ROBO2: variants seen among roughly 807,000 people sequenced by gnomAD.
ROBO2 encodes roundabout guidance receptor 2, also known as roundabout homolog 2.
A neutral mutation model predicts 160.8 loss-of-function variants in ROBO2; 53 were observed. The observed-to-expected ratio is 0.33, with a 90% CI of 0.26 to 0.41. ROBO2 has a LOEUF of 0.41. Ranked by LOEUF, ROBO2 falls within the 10% of genes least tolerant of loss-of-function variation. The pLI, the probability that ROBO2 is intolerant of heterozygous loss-of-function variation, is 1.00. For missense variants in ROBO2, 1,577 were observed against 1,722.4 expected (o/e 0.92, Z 1.49); for synonymous variants, 664 against 611.7 (o/e 1.09, Z -1.26).
At chr3:76,856,642 C>T (rs2070114164) in intron 2 of ROBO2, among the ~76,000 whole-genome samples, 1 of 152,180 alleles carries the variant, frequency 6.6e-6, no homozygotes, top group Non-Finnish European at 1.5e-5. Flanking sequence ...AACTTCATTC[C>T]ATGTACCTGG....
At chr3:77,294,916 A>T (rs1236370256) in intron 2 of ROBO2, among the ~76,000 whole-genome samples, 1 of 151,880 alleles carries the variant, frequency 6.6e-6, no homozygotes, top group Non-Finnish European at 1.5e-5. Flanking sequence ...AGGCTAGATC[A>T]CCCCAGACAT....
chr3:76,530,076 G>A (rs774217), intron 2 of ROBO2, among the ~76,000 whole-genome samples: 82,688 of 151,850 alleles, frequency 0.54, 22,704 homozygotes, highest in Admixed American at 0.59. Context: ...GGCCACAGAT[G>A]AACTGGAAAC....
At chr3:77,644,839 C>A in exon 25 of ROBO2, 1 of 1,614,096 alleles carries the variant, frequency 6.2e-7, no homozygotes, top group Non-Finnish European at 8.5e-7. Flanking sequence ...CAGCGCAATG[C>A]CAGCGACCTT....
chr3:75,991,893 T>G (rs1261183014), intron 2 of ROBO2, among the ~76,000 whole-genome samples: 1 of 152,156 alleles, frequency 6.6e-6, no homozygotes, highest in East Asian at 1.9e-4. Flanking sequence ...TTGTTATGCT[T>G]TAGCAAAGAG....
intron 2 of ROBO2, among the ~76,000 whole-genome samples, chr3:76,569,135 T>C (rs1034489652): frequency 3.9e-5 from 6 of 152,148 alleles, no homozygotes; most frequent in African/African-American, 1.4e-4. Flanking sequence ...TTTTCTAACA[T>C]CATAAGTTAA....
Position 76,403,806 on chromosome 3 carries a change from A to T in ROBO2, c.109+466204A>T, listed in dbSNP as rs2077983899. 5.3e-5 allele frequency among the ~76,000 whole-genome samples: 8 copies of T among 151,634 alleles called. No homozygotes were observed. In the South Asian group the frequency reaches 1.7e-3, roughly 31 times the overall value. On this transcript the variant is annotated intron_variant, in intron 2 of 26. Transcript: ENST00000487694. ...ATCCAAAATGCTTATTTTAGGTATTAAGTAATGTCAACATTTTGCTCTGAG... is the reference window on the plus strand; with the variant it reads ...ATCCAAAATGCTTATTTTAGGTATTTAGTAATGTCAACATTTTGCTCTGAG...
chr3:76,481,368 T>C (rs779835719), intron 2 of ROBO2, among the ~76,000 whole-genome samples: 2 of 152,118 alleles, frequency 1.3e-5, no homozygotes, highest in Non-Finnish European at 2.9e-5. Flanking sequence ...TCCAGGGATA[T>C]AGAAGCCAGA....
chr3:75,971,183 C>T (rs917527742), intron 2 of ROBO2, among the ~76,000 whole-genome samples: 3 of 151,340 alleles, frequency 2.0e-5, no homozygotes, highest in Admixed American at 6.6e-5. Context: ...AGATTTCAGG[C>T]TTTAAAAGTA....
chr3:77,408,599 G>A (rs1485848690), intron 2 of ROBO2, among the ~76,000 whole-genome samples: 1 of 152,050 alleles, frequency 6.6e-6, no homozygotes, highest in Non-Finnish European at 1.5e-5. Context: ...ATCAGGACTG[G>A]GACTAATAAT....
chr3:76,546,235 T>C (rs145461175), intron 2 of ROBO2, among the ~76,000 whole-genome samples: 2 of 151,932 alleles, frequency 1.3e-5, no homozygotes, highest in Non-Finnish European at 2.9e-5. Flanking sequence ...TAATTAACAT[T>C]AGGCAAATTT....
At chr3:77,438,811 G>C (rs2079604122) in intron 2 of ROBO2, among the ~76,000 whole-genome samples, 1 of 152,018 alleles carries the variant, frequency 6.6e-6, no homozygotes, top group African/African-American at 2.4e-5. Context: ...TAAAGTATAT[G>C]CAGAAGAAGA....
At chr3:77,503,443 C>T (rs967246472) in intron 5 of ROBO2, among the ~76,000 whole-genome samples, 2 of 150,804 alleles carry the variant, frequency 1.3e-5, no homozygotes, top group African/African-American at 4.9e-5. Context: ...AGAATGGCGT[C>T]AACCCGGGAG....
At chr3:77,312,551 A>G (rs1227369788) in intron 2 of ROBO2, among the ~76,000 whole-genome samples, 2 of 152,208 alleles carry the variant, frequency 1.3e-5, no homozygotes, top group African/African-American at 4.8e-5. Context: ...AAGTAGTACT[A>G]TCTAATGTGG....
chr3:76,751,056 C>T (rs1420004353), intron 2 of ROBO2, among the ~76,000 whole-genome samples: 2 of 152,038 alleles, frequency 1.3e-5, no homozygotes, highest in African/African-American at 2.4e-5. Flanking sequence ...TACTACAAGG[C>T]TACAGTAACC....
At chr3:76,993,512 G>T (rs1052029585) in intron 2 of ROBO2, among the ~76,000 whole-genome samples, 21 of 152,028 alleles carry the variant, frequency 1.4e-4, no homozygotes, top group African/African-American at 4.8e-4. Context: ...TCCAAGTAAA[G>T]ATTGGTTTGG....
chr3:76,439,517 G>A (rs570268445), intron 2 of ROBO2, among the ~76,000 whole-genome samples: 3 of 152,218 alleles, frequency 2.0e-5, no homozygotes, highest in South Asian at 2.1e-4. Flanking sequence ...AGAAGATGAC[G>A]ATGAATCAAA....
intron 5 of ROBO2, among the ~76,000 whole-genome samples, chr3:77,497,304 A>G (rs537647166): frequency 2.9e-4 from 44 of 152,270 alleles, no homozygotes; most frequent in African/African-American, 9.9e-4. Flanking sequence ...ACGTGAGAAT[A>G]AAGTGAGTAG....
intron 2 of ROBO2, among the ~76,000 whole-genome samples, chr3:76,387,119 G>T (rs2076928917): frequency 1.3e-5 from 2 of 152,138 alleles, no homozygotes; most frequent in African/African-American, 2.4e-5. Context: ...TCTTGATGCT[G>T]TGCCCTCACA....
exon 18 of ROBO2, chr3:77,595,163 G>A (rs202245493): frequency 1.9e-6 from 3 of 1,611,958 alleles, no homozygotes; most frequent in Admixed American, 3.3e-5. Context: ...AGAGGAGATG[G>A]AGGACTAATG....
Sources: allele counts gnomAD v4.1 joint callset (sites outside exome capture counted in the v4.1 genomes callset), GRCh38; gene constraint gnomAD v4.1.1; transcripts MANE v1.5; gene names NCBI Gene and HGNC (gene_info 2026-07-23, HGNC 2026-07-21).